GDPD1: variants seen among roughly 807,000 people sequenced by gnomAD.
GDPD1 encodes the protein glycerophosphodiester phosphodiesterase domain containing 1.
Under a neutral mutation model 45.1 loss-of-function variants are expected in GDPD1, and 28 were observed. The ratio of observed to expected loss-of-function variants is 0.62; its 90% confidence interval spans 0.46 to 0.85. The LOEUF (loss-of-function observed/expected upper bound fraction) is 0.85, where lower values mean the gene tolerates loss of function less well. Among genes scored for constraint, GDPD1 ranks in the 40% least tolerant of loss-of-function variants. The probability of loss-of-function intolerance (pLI) is 0.00; values close to 1 mark genes in which losing one functional copy is unlikely to be tolerated. For synonymous variants in GDPD1, 139 were observed against 131.4 expected, an observed-to-expected ratio of 1.06 and a Z score of -0.40; for missense variants, 256 against 364.8, an observed-to-expected ratio of 0.70 and a Z score of 2.43.
chr17:59,253,938 G>A (rs2047275772), intron 4 of GDPD1, among the ~76,000 whole-genome samples: 1 of 151,710 alleles, frequency 6.6e-6, no homozygotes, highest in Non-Finnish European at 1.5e-5. Context: ...TGTTGGGTAG[G>A]TAAAAAACAT....
intron 1 of GDPD1, among the ~76,000 whole-genome samples, chr17:59,226,177 A>C (rs1249920732): frequency 6.6e-6 from 1 of 152,192 alleles, no homozygotes; most frequent in Admixed American, 6.6e-5. Context: ...TCAGTAGTTT[A>C]ACTTAACTTA....
At chr17:59,253,870 G>A (rs1021978436) in intron 4 of GDPD1, among the ~76,000 whole-genome samples, 1 of 152,076 alleles carries the variant, frequency 6.6e-6, no homozygotes, top group Non-Finnish European at 1.5e-5. Flanking sequence ...GTACTGTGGT[G>A]ACAGCTCTAT....
chr17:59,252,045 G>T (rs1302761046), intron 4 of GDPD1, among the ~76,000 whole-genome samples: 3 of 144,872 alleles, frequency 2.1e-5, no homozygotes, highest in Non-Finnish European at 4.5e-5. Context: ...ACTTGACTCA[G>T]ATTAGTCAAA....
intron 3 of GDPD1, among the ~76,000 whole-genome samples, chr17:59,246,824 G>A (rs2047216058): frequency 6.6e-6 from 1 of 151,450 alleles, no homozygotes; most frequent in African/African-American, 2.4e-5. Context: ...CTGGAGTGCA[G>A]TGGCATGATC....
At chr17:59,266,205 G>GCA (rs1157858905) in intron 6 of GDPD1, among the ~76,000 whole-genome samples, 1 of 151,814 alleles carries the variant, frequency 6.6e-6, no homozygotes, top group African/African-American at 2.4e-5. Context: ...TGGCCAACAT[G>GCA]GTGAAACCAC....
intron 7 of GDPD1, among the ~76,000 whole-genome samples, chr17:59,268,599 A>G (rs1177775574): frequency 1.3e-5 from 2 of 150,042 alleles, no homozygotes; most frequent in Admixed American, 1.3e-4. Context: ...AAAAAAAAAA[A>G]AAAGAAAAGA....
intron 6 of GDPD1, 88 bp downstream of exon 6, chr17:59,257,928 TC>T (rs1233958833): frequency 2.2e-6 from 2 of 911,344 alleles, no homozygotes; most frequent in African/African-American, 3.6e-5. Context: ...TAATTTTTTT[TC>T]TTTTTCTTAT....
intron 1 of GDPD1, among the ~76,000 whole-genome samples, chr17:59,228,170 TAAAAA>T (rs36140380): frequency 5.5e-5 from 5 of 91,674 alleles, no homozygotes; most frequent in African/African-American, 1.8e-4. Context: ...AGACTCCATC[TAAAAA>T]AAAAAAAAAA....
At chr17:59,268,977 G>A (rs532394498) in intron 7 of GDPD1, among the ~76,000 whole-genome samples, 1 of 151,782 alleles carries the variant, frequency 6.6e-6, no homozygotes, top group South Asian at 2.1e-4. Context: ...GCGACAGAGC[G>A]AGACTCCTTC....
At chr17:59,242,265 G>A (rs1386886252) in intron 2 of GDPD1, among the ~76,000 whole-genome samples, 2 of 152,178 alleles carry the variant, frequency 1.3e-5, no homozygotes, top group Admixed American at 6.6e-5. Context: ...GTTTTCCCAT[G>A]TTGGCCAGGC....
At chr17:59,267,555 G>T (rs973834828) in intron 7 of GDPD1, among the ~76,000 whole-genome samples, 1 of 151,824 alleles carries the variant, frequency 6.6e-6, no homozygotes, top group African/African-American at 2.4e-5. Context: ...TTAAACAATG[G>T]TATTACTGTA....
intron 3 of GDPD1, 143 bp from the exon 4 acceptor site, chr17:59,248,597 G>T: frequency 1.8e-6 from 1 of 564,088 alleles, no homozygotes; most frequent in Non-Finnish European, 3.1e-6. Flanking sequence ...ATTTGCTGTT[G>T]GGGATGTTCT....
At chr17:59,222,505 C>CTTTTTTTTTTTTTTTTTTTTTTTTTT (rs149536097) in intron 1 of GDPD1, among the ~76,000 whole-genome samples, 2 of 41,740 alleles carry the variant, frequency 4.8e-5, no homozygotes, top group Non-Finnish European at 9.2e-5. Context: ...AGTGCCCAGC[C>CTTTTTTTTTTTTTTTTTTTTTTTTTT]TTTTTTTTTT....
intron 2 of GDPD1, among the ~76,000 whole-genome samples, chr17:59,237,654 G>A (rs1294444800): frequency 2.0e-5 from 3 of 152,104 alleles, no homozygotes; most frequent in East Asian, 3.9e-4. Context: ...AGGTGAAGAT[G>A]AGGAGATATT....
chr17:59,234,615 G>A, intron 2 of GDPD1, 81 bp downstream of exon 2: 1 of 899,516 alleles, frequency 1.1e-6, no homozygotes, highest in South Asian at 1.4e-5. Flanking sequence ...GATCCACAAA[G>A]TGAGGATAGT....
At chr17:59,270,382 CG>C (rs11412206) in intron 7 of GDPD1, among the ~76,000 whole-genome samples, 74 of 147,220 alleles carry the variant, frequency 5.0e-4, no homozygotes, top group African/African-American at 1.4e-3. Context: ...TTAGTAGAGA[CG>C]GGGGGGGGTT....
intron 7 of GDPD1, among the ~76,000 whole-genome samples, chr17:59,268,396 GA>G (rs2047414772): frequency 6.6e-6 from 1 of 151,552 alleles, no homozygotes; most frequent in African/African-American, 2.4e-5. Context: ...CTAACACGGT[GA>G]AACCCCGTCT....
intron 6 of GDPD1, among the ~76,000 whole-genome samples, chr17:59,266,473 T>C (rs1029220508): frequency 2.6e-5 from 4 of 152,146 alleles, no homozygotes; most frequent in Admixed American, 1.3e-4. Context: ...GTCTATCTTG[T>C]ATTTTTAAAG....
chr17:59,248,848 A>G, intron 4 of GDPD1, 63 bp downstream of exon 4: 1 of 1,225,216 alleles, frequency 8.2e-7, no homozygotes, highest in Non-Finnish European at 1.2e-6. Flanking sequence ...TTTTCTTGTC[A>G]TAGTAAGTTC....
Sources: gnomAD v4.1 joint callset for allele counts (sites outside exome capture counted in the v4.1 genomes callset) on GRCh38, gnomAD v4.1.1 for gene constraint, MANE v1.5 for transcripts, NCBI Gene and HGNC (gene_info 2026-07-23, HGNC 2026-07-21) for gene names.